TRPC7: variants seen among roughly 807,000 people sequenced by gnomAD.
The protein encoded by TRPC7 is short transient receptor potential channel 7.
Under a neutral mutation model 90.1 loss-of-function variants are expected in TRPC7, and 42 were observed. The observed-to-expected ratio is 0.47, with a 90% CI of 0.36 to 0.60. The LOEUF (loss-of-function observed/expected upper bound fraction) is 0.60. TRPC7 is among the 20% of genes least tolerant of loss of function. The pLI is 0.00. For synonymous variants in TRPC7, 451 were observed against 436.3 expected, an observed-to-expected ratio of 1.03 and a Z score of -0.42; for missense variants, 955 against 1,112.3, an observed-to-expected ratio of 0.86 and a Z score of 2.01.
intron 1 of TRPC7, among the ~76,000 whole-genome samples, chr5:136,358,896 C>T (rs939872612): frequency 2.0e-5 from 3 of 152,180 alleles, no homozygotes; most frequent in South Asian, 2.1e-4. Flanking sequence ...AGAGTGTATC[C>T]GTTTTAAAGA....
chr5:136,346,722 A>T (rs1194320195), intron 2 of TRPC7, among the ~76,000 whole-genome samples: 1 of 152,060 alleles, frequency 6.6e-6, no homozygotes, highest in East Asian at 1.9e-4. Flanking sequence ...CCATGGTATG[A>T]CTCACTGACC....
chr5:136,234,879 A>T (rs6596299), intron 7 of TRPC7, among the ~76,000 whole-genome samples: 1 of 151,932 alleles, frequency 6.6e-6, no homozygotes, highest in African/African-American at 2.4e-5. Context: ...CCTTATGGGC[A>T]GAGTTATGTC....
At chr5:136,327,990 C>T (rs1046773069) in intron 2 of TRPC7, among the ~76,000 whole-genome samples, 1 of 152,180 alleles carries the variant, frequency 6.6e-6, no homozygotes, top group African/African-American at 2.4e-5. Context: ...CTCGTTATGG[C>T]AGATGAAAAT....
intron 2 of TRPC7, among the ~76,000 whole-genome samples, chr5:136,329,963 T>C (rs543070788): frequency 6.6e-6 from 1 of 152,234 alleles, no homozygotes; most frequent in South Asian, 2.1e-4. Context: ...CTCTGTTTTC[T>C]CTCTCTCTGA....
At chr5:136,349,419 G>C (rs576237383) in intron 2 of TRPC7, among the ~76,000 whole-genome samples, 2 of 152,252 alleles carry the variant, frequency 1.3e-5, no homozygotes, top group South Asian at 2.1e-4. Flanking sequence ...GAAAAGTTGT[G>C]GTGCTGAAGA....
At chr5:136,272,766 T>G (rs1757246492) in intron 4 of TRPC7, among the ~76,000 whole-genome samples, 1 of 152,160 alleles carries the variant, frequency 6.6e-6, no homozygotes, top group South Asian at 2.1e-4. Flanking sequence ...TGGACCAAAC[T>G]TCCCTGCAAC....
In TRPC7 at chr5:136,254,510, T is replaced by C. The variant is rs1189995591; in HGVS notation, c.1346-2628A>G. ...AAGCCTGGATGACAGCGTATCTGTTTACAGCATGGTATACTGAATATTTTA... is the reference window on the plus strand; with the variant it reads ...AAGCCTGGATGACAGCGTATCTGTTCACAGCATGGTATACTGAATATTTTA... On this transcript the variant is annotated intron_variant, in intron 5 of 11. Transcript: ENST00000513104. Among the ~76,000 whole-genome samples the C allele has an allele frequency of 2.0e-5, 3 of 152,246 alleles. No homozygotes were observed. In the South Asian group the frequency reaches 6.2e-4, roughly 32 times the overall value.
chr5:136,226,204 A>G lies in TRPC7; in HGVS notation c.2092T>C (p.Tyr698His), dbSNP rs1755624600. 3 of 1,552,500 alleles carry G rather than the reference A, an allele frequency of 1.9e-6. No individual in the cohort carries two copies. Among genetic ancestry groups the G allele is most frequent in the Admixed American group, 2.0e-5 (1 of 51,014 alleles). Reference sequence around the variant, plus strand: ...GGTAGAGTTCTTCCTTCATCAAAGTAAGACAGCCAGAGTTTTGCTCGGGCG... The same window carrying G: ...GGTAGAGTTCTTCCTTCATCAAAGTGAGACAGCCAGAGTTTTGCTCGGGCG... The part of the protein sequence containing the change: ...KFARAKLWLS[Y>H]FDEGRTLPAP... Residue 698 changes from tyrosine (Y) to histidine (H), a missense_variant, in exon 9 of 12, where the codon TAC becomes CAC. Physicochemically the swap from Tyr to His is moderately conservative, Grantham distance 83. Transcript: ENST00000513104.
intron 2 of TRPC7, among the ~76,000 whole-genome samples, chr5:136,333,109 T>G (rs1561722767): frequency 6.6e-6 from 1 of 152,176 alleles, no homozygotes; most frequent in African/African-American, 2.4e-5. Flanking sequence ...TATTGTGTTT[T>G]GGGGTGGTTT....
At chr5:136,218,717 C>T (rs760556264) in intron 10 of TRPC7, among the ~76,000 whole-genome samples, 1 of 152,166 alleles carries the variant, frequency 6.6e-6, no homozygotes, top group South Asian at 2.1e-4. Context: ...AGATCCTGCT[C>T]ACAGTCTCCT....
At chr5:136,284,643 C>T (rs1437029582) in intron 3 of TRPC7, among the ~76,000 whole-genome samples, 1 of 152,172 alleles carries the variant, frequency 6.6e-6, no homozygotes, top group Non-Finnish European at 1.5e-5. Context: ...TTCAGTGTAG[C>T]TCCGACAGTG....
intron 2 of TRPC7, among the ~76,000 whole-genome samples, chr5:136,337,534 T>A (rs1209292794): frequency 6.6e-6 from 1 of 151,978 alleles, no homozygotes. Context: ...GGTGTGGTGA[T>A]GAGTGCCTGT....
intron 1 of TRPC7, among the ~76,000 whole-genome samples, chr5:136,360,336 T>C (rs866168587): frequency 3.3e-5 from 5 of 151,980 alleles, no homozygotes; most frequent in Non-Finnish European, 1.5e-5. Flanking sequence ...ATTAGCATTC[T>C]CATCTTTTAG....
intron 5 of TRPC7, among the ~76,000 whole-genome samples, chr5:136,255,897 C>A (rs1756672719): frequency 6.6e-6 from 1 of 152,184 alleles, no homozygotes; most frequent in African/African-American, 2.4e-5. Flanking sequence ...ATGTTCTTGA[C>A]TGCTATACTC....
At chr5:136,302,500 C>A (rs1053794807) in intron 3 of TRPC7, among the ~76,000 whole-genome samples, 1 of 152,064 alleles carries the variant, frequency 6.6e-6, no homozygotes, top group Non-Finnish European at 1.5e-5. Context: ...AACCCCTGAA[C>A]CCCTTCCCTC....
chr5:136,226,100 G>A lies in TRPC7; in HGVS notation c.2196C>T (p.Leu732=), dbSNP rs1755621388. The A allele has an allele frequency of 6.2e-7, 1 of 1,603,576 alleles. No homozygotes were observed. The highest frequency in any genetic ancestry group is 8.5e-7 in the Non-Finnish European group (1 of 1,174,464). Residue 732 remains leucine (L), a synonymous_variant, in exon 9 of 12, where the codon CTC becomes CTT. Transcript: ENST00000513104. ...CACAGCTTTTGGCCTTAGATTTGCAGAGTTTTATGAGGCACATCTTGATTC... is the reference window on the plus strand; with the variant it reads ...CACAGCTTTTGGCCTTAGATTTGCAAAGTTTTATGAGGCACATCTTGATTC... ...IMRIKMCLIK[L]CKSKAKSCEN...
chr5:136,282,369 T>C (rs1228096453), intron 3 of TRPC7, among the ~76,000 whole-genome samples: 1 of 152,224 alleles, frequency 6.6e-6, no homozygotes, highest in Non-Finnish European at 1.5e-5. Flanking sequence ...AAATTTCTCT[T>C]TCAGAGAAAT....
intron 7 of TRPC7, among the ~76,000 whole-genome samples, chr5:136,244,973 A>T (rs899584227): frequency 1.3e-5 from 2 of 152,152 alleles, no homozygotes; most frequent in Non-Finnish European, 2.9e-5. Flanking sequence ...CACCATCTCC[A>T]TTATCATCAT....
At chr5:136,309,923 A>C (rs1393002182) in intron 3 of TRPC7, among the ~76,000 whole-genome samples, 1 of 152,146 alleles carries the variant, frequency 6.6e-6, no homozygotes, top group Non-Finnish European at 1.5e-5. Context: ...TTTCAGAGGA[A>C]GAGCTGTCTC....
Sources: allele counts gnomAD v4.1 joint callset (sites outside exome capture counted in the v4.1 genomes callset), GRCh38; gene constraint gnomAD v4.1.1; transcripts MANE v1.5; gene names NCBI Gene and HGNC (gene_info 2026-07-23, HGNC 2026-07-21).